The following TBCB variants were observed in gnomAD, a reference collection of about 807,000 sequenced individuals.
TBCB encodes tubulin folding cofactor B, also known as tubulin-folding cofactor B.
In TBCB, 18 loss-of-function variants were observed where a neutral mutation model predicts 29.2. The observed-to-expected ratio is 0.62, with a 90% CI of 0.43 to 0.91. The LOEUF is 0.91. TBCB is among the 40% of genes least tolerant of loss of function. TBCB has a pLI of 0.00. For missense variants in TBCB, 336 were observed against 337.6 expected (o/e 1.00, Z 0.04); for synonymous variants, 172 against 137.8 (o/e 1.25, Z -1.74).
chr19:36,120,608 G>T, intron 2 of TBCB, 102 bp from the exon 3 acceptor site: 1 of 924,660 alleles, frequency 1.1e-6, no homozygotes, highest in South Asian at 1.4e-5. Flanking sequence ...GCGAGGGAGG[G>T]AGATGCGTTT....
At chr19:36,121,002 T>G (rs1408828236) in intron 3 of TBCB, among the ~76,000 whole-genome samples, 196 bp downstream of exon 3, 5 of 127,616 alleles carry the variant, frequency 3.9e-5, no homozygotes, top group Non-Finnish European at 5.0e-5. Context: ...GGCCGGGAGG[T>G]GTCAGGGGTA....
intron 1 of TBCB, 149 bp from the exon 2 acceptor site, chr19:36,115,892 G>A (rs1973942949): frequency 2.6e-5 from 33 of 1,276,796 alleles, no homozygotes; most frequent in Non-Finnish European, 3.4e-5. Flanking sequence ...CGGTCCAGAG[G>A]GCGGGGGCAA....
Position 36,115,480 on chromosome 19 carries a change from G to A in TBCB, c.-81G>A. The A allele has an allele frequency of 1.8e-6, 2 of 1,084,122 alleles. No homozygotes were observed. The highest frequency in any genetic ancestry group is 2.7e-6 in the Non-Finnish European group (2 of 736,868). The allele number at this position is 1,084,122 out of a possible 1,614,324, so 67.2% of individuals were successfully genotyped here. A position where few individuals can be genotyped will look rare whatever the true frequency, so the allele number is the denominator to read the frequency against. On this transcript the variant is annotated 5_prime_UTR_variant, in exon 1 of 6. Transcript: ENST00000221855. ...AGCAGGAGGCGGGGCTGATAGCCCA[G>A]CAGCAGCAGCGGCGGCGGCGGCTGC...
intron 2 of TBCB, chr19:36,116,733 A>G (rs1973961810): frequency 6.6e-6 from 1 of 152,208 alleles, no homozygotes; most frequent in South Asian, 2.0e-4. Flanking sequence ...GGTTCAAGTG[A>G]TCCTTGTGCC....
chr19:36,125,410 T>G, intron 4 of TBCB, 41 bp from the exon 5 acceptor site: 1 of 1,607,586 alleles, frequency 6.2e-7, no homozygotes, highest in African/African-American at 1.3e-5. Context: ...GGATTTCTTC[T>G]ATGTCCAGAA....
At chr19:36,121,821 G>A (rs1464433731) in intron 4 of TBCB, 103 bp downstream of exon 4, 6 of 1,438,578 alleles carry the variant, frequency 4.2e-6, no homozygotes, top group South Asian at 2.5e-5. Flanking sequence ...GCCTAGGGGC[G>A]CGGGGTTGGG....
At chr19:36,116,589 A>G (rs1973959094) in intron 2 of TBCB, 1 of 165,366 alleles carries the variant, frequency 6.0e-6, no homozygotes, top group Non-Finnish European at 1.3e-5. Context: ...GGGAGAAACC[A>G]GAACACAGGA....
chr19:36,124,892 G>A (rs1356845389), intron 4 of TBCB, among the ~76,000 whole-genome samples: 1 of 152,110 alleles, frequency 6.6e-6, no homozygotes, highest in African/African-American at 2.4e-5. Context: ...GGCCATGATC[G>A]TGGCTCACTG....
rs1001735943 is a variant in TBCB, at chr19:36,120,167, GTT to G, written c.259-541_259-540del. 1.9e-3 allele frequency among the ~76,000 whole-genome samples: 284 copies of G among 152,236 alleles called. 3 individuals carry two copies. Among genetic ancestry groups the G allele is most frequent in the African/African-American group, 6.6e-3 (276 of 41,526 alleles). On this transcript the variant is annotated intron_variant, in intron 2 of 5. Coordinates refer to ENST00000221855, the MANE Select transcript of TBCB (RefSeq NM_001281.3). ...GTGTTTCATAGGTACCTGTTCCTTT[GTT>G]TGTGGTTGGCCTTCTCCCTGCACAA...
intron 3 of TBCB, 85 bp from the exon 4 acceptor site, chr19:36,121,442 G>A (rs1332177876): frequency 1.4e-6 from 2 of 1,437,618 alleles, no homozygotes; most frequent in Non-Finnish European, 1.8e-6. Flanking sequence ...GAGTTCCTCC[G>A]TGAACGTGGG....
intron 1 of TBCB, 115 bp from the exon 2 acceptor site, chr19:36,115,926 C>A: frequency 1.4e-6 from 2 of 1,461,030 alleles, no homozygotes; most frequent in African/African-American, 1.4e-5. Context: ...GGATTGCGGC[C>A]CCGTGCGTCC....
intron 4 of TBCB, among the ~76,000 whole-genome samples, chr19:36,122,571 CAA>C (rs759711385): frequency 0.043 from 3,963 of 91,464 alleles, 106 homozygotes; most frequent in African/African-American, 0.12. Flanking sequence ...CCTGTCTCTA[CAA>C]AAAAAAAAAA....
intron 2 of TBCB, among the ~76,000 whole-genome samples, chr19:36,118,293 G>A (rs1213431998): frequency 6.6e-6 from 1 of 152,210 alleles, no homozygotes; most frequent in Non-Finnish European, 1.5e-5. Context: ...GACAAGGGTT[G>A]TGTAGGAGAT....
At chr19:36,115,419 G>C (rs972602153), upstream of TBCB, 24 of 632,048 alleles carry the variant, frequency 3.8e-5, no homozygotes, top group Non-Finnish European at 6.7e-5. Context: ...ATTGGCGGAC[G>C]CTCCTGGCAG....
intron 2 of TBCB, among the ~76,000 whole-genome samples, chr19:36,118,189 C>T (rs1485365380): frequency 2.6e-5 from 4 of 152,184 alleles, no homozygotes; most frequent in Admixed American, 2.6e-4. Context: ...TGTGTTGTGC[C>T]AGGGGTTTCA....
intron 4 of TBCB, chr19:36,122,057 A>G (rs1468979155): frequency 2.5e-6 from 1 of 402,510 alleles, no homozygotes; most frequent in East Asian, 5.8e-5. Flanking sequence ...GAGGGAACAC[A>G]GGGGGCTGTG....
At chr19:36,121,450 G>C in intron 3 of TBCB, 77 bp from the exon 4 acceptor site, 1 of 1,454,530 alleles carries the variant, frequency 6.9e-7, no homozygotes, top group Non-Finnish European at 9.1e-7. Context: ...CCGTGAACGT[G>C]GGCCCCTCGT....
At chr19:36,121,747 C>A (rs747694485) in intron 4 of TBCB, 29 bp downstream of exon 4, 1 of 1,547,974 alleles carries the variant, frequency 6.5e-7, no homozygotes, top group Middle Eastern at 1.7e-4. Flanking sequence ...CGGTCCCGGG[C>A]TCCAGGGCTC....
chr19:36,119,933 G>A (rs1349125918), intron 2 of TBCB, among the ~76,000 whole-genome samples: 1 of 149,848 alleles, frequency 6.7e-6, no homozygotes, highest in African/African-American at 2.4e-5. Context: ...GCAGTCCCTT[G>A]TGTCTTCCAC....
Sources: gnomAD v4.1 joint callset for allele counts (sites outside exome capture counted in the v4.1 genomes callset) on GRCh38, gnomAD v4.1.1 for gene constraint, MANE v1.5 for transcripts, NCBI Gene and HGNC (gene_info 2026-07-23, HGNC 2026-07-21) for gene names.